Variants in ADCY8 observed in about 807,000 individuals in gnomAD.
The protein encoded by ADCY8 is adenylate cyclase type 8.
Under a neutral mutation model 119.7 loss-of-function variants are expected in ADCY8, and 51 were observed. That is an observed-to-expected ratio of 0.43 (90% confidence interval 0.34 to 0.54). The LOEUF (loss-of-function observed/expected upper bound fraction) is 0.54. Ranked by LOEUF, ADCY8 falls within the 20% of genes least tolerant of loss-of-function variation. The pLI is 0.03. For synonymous variants in ADCY8, 665 were observed against 651.0 expected (o/e 1.02, Z -0.33); for missense variants, 1,383 against 1,598.8 (o/e 0.87, Z 2.30).
chr8:130,943,090 C>T (rs1167888830), intron 4 of ADCY8, among the ~76,000 whole-genome samples: 2 of 152,142 alleles, frequency 1.3e-5, no homozygotes, highest in African/African-American at 4.8e-5. Context: ...GCGTGGAAAG[C>T]AGATAAAAAG....
At chr8:131,013,075 A>T (rs983531016) in intron 1 of ADCY8, among the ~76,000 whole-genome samples, 2 of 152,184 alleles carry the variant, frequency 1.3e-5, no homozygotes, top group Non-Finnish European at 2.9e-5. Flanking sequence ...GTTGATAATG[A>T]CTACCCATAT....
At chr8:130,876,172 T>C (rs1227216686) in intron 8 of ADCY8, among the ~76,000 whole-genome samples, 1 of 152,064 alleles carries the variant, frequency 6.6e-6, no homozygotes, top group Non-Finnish European at 1.5e-5. Flanking sequence ...TGCCTCAGCC[T>C]CCCGAGTAGC....
At position 130,846,059 on chromosome 8, in the gene ADCY8, G is replaced by A. The variant is rs180767706; in HGVS notation, c.2502+1365C>T. Among the ~76,000 whole-genome samples, 13 of 152,216 alleles carry A rather than the reference G, an allele frequency of 8.5e-5. No homozygotes were observed. In the East Asian group the frequency reaches 1.2e-3, roughly 14 times the overall value. On this transcript the variant is annotated intron_variant, in intron 11 of 17. Transcript: ENST00000286355. The stretch of plus-strand genomic sequence containing the variant: ...AGGTGCTCTATGCAAATGGACGGAC[G>A]GAGAGGAGGCTTGGTCTCCTTGTTG...
intron 1 of ADCY8, among the ~76,000 whole-genome samples, chr8:130,996,900 C>T (rs1490518802): frequency 6.6e-6 from 1 of 152,140 alleles, no homozygotes; most frequent in Admixed American, 6.6e-5. Context: ...CAAAATTTGA[C>T]TCATTTCTTT....
At chr8:131,030,424 T>G (rs1442869511) in intron 1 of ADCY8, among the ~76,000 whole-genome samples, 2 of 152,218 alleles carry the variant, frequency 1.3e-5, no homozygotes, top group African/African-American at 2.4e-5. Flanking sequence ...AGTCTGACCT[T>G]TCCTTTCATG....
chr8:131,009,416 T>C (rs1355705156), intron 1 of ADCY8, among the ~76,000 whole-genome samples: 1 of 152,138 alleles, frequency 6.6e-6, no homozygotes, highest in Non-Finnish European at 1.5e-5. Flanking sequence ...CCCATCCTAT[T>C]CTCATGATAG....
intron 14 of ADCY8, among the ~76,000 whole-genome samples, chr8:130,806,047 G>A (rs569972815): frequency 1.3e-5 from 2 of 152,320 alleles, no homozygotes; most frequent in South Asian, 2.1e-4. Flanking sequence ...CCCACAGGGT[G>A]GACGGTGTTA....
chr8:130,799,242 A>C (rs1029288081), intron 15 of ADCY8, among the ~76,000 whole-genome samples: 2 of 152,218 alleles, frequency 1.3e-5, no homozygotes, highest in African/African-American at 4.8e-5. Flanking sequence ...GTGAATAATA[A>C]TGTATTGCAT....
At chr8:130,781,848 G>A (rs1169848831) in intron 17 of ADCY8, among the ~76,000 whole-genome samples, 2 of 152,160 alleles carry the variant, frequency 1.3e-5, no homozygotes, top group Non-Finnish European at 2.9e-5. Flanking sequence ...CTTTCTAAAA[G>A]ACAATTATTT....
At chr8:130,915,120 T>C (rs1244092401) in intron 5 of ADCY8, among the ~76,000 whole-genome samples, 1 of 152,176 alleles carries the variant, frequency 6.6e-6, no homozygotes, top group Non-Finnish European at 1.5e-5. Flanking sequence ...TTCTTTTAAA[T>C]AAAAAACACA....
intron 4 of ADCY8, among the ~76,000 whole-genome samples, chr8:130,942,920 T>C (rs1468157664): frequency 6.6e-6 from 1 of 152,164 alleles, no homozygotes; most frequent in Non-Finnish European, 1.5e-5. Flanking sequence ...AAGATGGTGG[T>C]GGGATGGCCC....
chr8:130,813,498 G>A (rs752501035), intron 14 of ADCY8, among the ~76,000 whole-genome samples: 8 of 152,024 alleles, frequency 5.3e-5, no homozygotes, highest in African/African-American at 9.7e-5. Flanking sequence ...TATTTTTTGC[G>A]AATGGCCCAT....
chr8:130,808,860 C>A (rs987603841), intron 14 of ADCY8, among the ~76,000 whole-genome samples: 1 of 151,304 alleles, frequency 6.6e-6, no homozygotes, highest in Admixed American at 6.6e-5. Flanking sequence ...CTCTCCAGCA[C>A]CTGGGACAGC....
chr8:130,951,521 A>G (rs1380889929), intron 3 of ADCY8, among the ~76,000 whole-genome samples: 1 of 152,190 alleles, frequency 6.6e-6, no homozygotes, highest in Non-Finnish European at 1.5e-5. Context: ...GAGGGGATGT[A>G]TGTGATCACA....
At chr8:130,847,317 G>A in intron 11 of ADCY8, 107 bp downstream of exon 11, 2 of 728,568 alleles carry the variant, frequency 2.7e-6, no homozygotes, top group Non-Finnish European at 4.6e-6. Context: ...AAGGAAAACA[G>A]GCCTCTTGAG....
intron 7 of ADCY8, among the ~76,000 whole-genome samples, chr8:130,891,111 C>A (rs963753033): frequency 1.3e-5 from 2 of 152,116 alleles, no homozygotes; most frequent in Non-Finnish European, 2.9e-5. Flanking sequence ...GTAGTTTCCC[C>A]AACCTATTCT....
rs1421588981 is a variant in ADCY8 at position 130,951,866 on chromosome 8, A to C, written c.1241+2T>G. ...CCGGGGCAAGGGTGTTGTGTTTCTC[A>C]CCTGACGTTCTCATAGCGATGGATG... On this transcript the variant is annotated splice_donor_variant, in intron 3 of 17. Coordinates refer to ENST00000286355, the MANE Select transcript of ADCY8 (RefSeq NM_001115.3). LOFTEE classifies it high-confidence loss of function. 4.3e-6 allele frequency: 7 copies of C among 1,613,794 alleles called. No homozygotes were observed. The highest frequency in any genetic ancestry group is 5.9e-6 in the Non-Finnish European group (7 of 1,179,902).
In ADCY8 at chr8:130,951,975, G is replaced by A. The variant is rs1040498305; in HGVS notation, c.1134C>T (p.Leu378=). 1.9e-6 allele frequency: 3 copies of A among 1,613,912 alleles called. No individual in the cohort carries two copies. Among genetic ancestry groups the A allele is most frequent in the Admixed American group, 1.7e-5 (1 of 60,004 alleles). Residue 378 remains leucine, a synonymous_variant, in exon 3 of 18, where the codon CTC becomes CTT. Coordinates refer to ENST00000286355, the MANE Select transcript of ADCY8 (RefSeq NM_001115.3). ...TCATTTCCAGGACAACAAACCGGGGGAGCACAGAAAGCACGAGCCGCTCCT... is the reference window on the plus strand; with the variant it reads ...TCATTTCCAGGACAACAAACCGGGGAAGCACAGAAAGCACGAGCCGCTCCT... The part of the protein sequence containing the change: ...QRQERLVLSV[L]PRFVVLEMIN...
intron 1 of ADCY8, among the ~76,000 whole-genome samples, chr8:131,001,687 C>T (rs7007726): frequency 0.61 from 91,155 of 149,886 alleles, 29,655 homozygotes; most frequent in African/African-American, 0.84. Context: ...CCAATAAATG[C>T]TAGATATATA....
Sources: allele counts gnomAD v4.1 joint callset (sites outside exome capture counted in the v4.1 genomes callset), GRCh38; gene constraint gnomAD v4.1.1; transcripts MANE v1.5; gene names NCBI Gene and HGNC (gene_info 2026-07-23, HGNC 2026-07-21).